The following SPTBN1 variants were observed in gnomAD, a reference collection of about 807,000 sequenced individuals.
The protein encoded by SPTBN1 is spectrin beta chain, non-erythrocytic 1.
In SPTBN1, 32 loss-of-function variants were observed where a neutral mutation model predicts 266.4. The observed-to-expected ratio is 0.12, with a 90% confidence interval of 0.09 to 0.16. The LOEUF (loss-of-function observed/expected upper bound fraction) is 0.16. Among genes scored for constraint, SPTBN1 ranks in the 10% least tolerant of loss-of-function variants. The probability of loss-of-function intolerance (pLI) is 1.00; values close to 1 mark genes in which losing one functional copy is unlikely to be tolerated. For missense variants in SPTBN1, 2,296 were observed against 3,067.1 expected, an observed-to-expected ratio of 0.75 and a Z score of 5.94; for synonymous variants, 1,336 against 1,162.2, an observed-to-expected ratio of 1.15 and a Z score of -3.04.
intron 1 of SPTBN1, among the ~76,000 whole-genome samples, chr2:54,519,175 C>T (rs1364668285): frequency 6.6e-6 from 1 of 152,178 alleles, no homozygotes; most frequent in Non-Finnish European, 1.5e-5. Context: ...CCTCTGCCAC[C>T]TGTCCAGGCA....
Position 54,558,011 on chromosome 2 carries a change from G to A in SPTBN1, c.148+31445G>A. The A allele has an allele frequency of 1.0e-6, 1 of 984,256 alleles. No individual in the cohort carries two copies. Among genetic ancestry groups the A allele is most frequent in the Non-Finnish European group, 1.2e-6 (1 of 829,710 alleles). 61.0% of individuals were successfully genotyped at this position (984,256 alleles called of 1,614,324 possible). ...GAGAGTGAATGAGCCGCGCGGGCCCGGGACCCTTGGGGCTCTTCACTCTCC... is the reference window on the plus strand; with the variant it reads ...GAGAGTGAATGAGCCGCGCGGGCCCAGGACCCTTGGGGCTCTTCACTCTCC... On this transcript the variant is annotated intron_variant, in intron 2 of 35. Coordinates refer to ENST00000356805, the MANE Select transcript of SPTBN1 (RefSeq NM_003128.3). This position sits in a 1 kb window ranked among gnomAD's most constrained non-coding sequence, Gnocchi z 4.6.
intron 2 of SPTBN1, among the ~76,000 whole-genome samples, chr2:54,570,466 T>C (rs543156237): frequency 1.3e-5 from 2 of 152,318 alleles, no homozygotes; most frequent in East Asian, 3.8e-4. Context: ...AAAACATAAA[T>C]ACAAAGTCTG....
Position 54,617,608 on chromosome 2 carries a change from G to T in SPTBN1, c.567G>T (p.Gly189=). ...LLLWCQMKTA[G]YPNVNIHNFT... ...TTCCCTTCTGCTTTGTCCTTGGCAG[G>T]TACCCCAATGTCAACATTCACAATT... Residue 189 remains glycine (G), a splice_region_variant and synonymous_variant, in exon 6 of 36, where the codon GGG becomes GGT. Coordinates refer to ENST00000356805, the MANE Select transcript of SPTBN1 (RefSeq NM_003128.3). 1 of 1,614,062 alleles carries T rather than the reference G, an allele frequency of 6.2e-7. No homozygotes were observed. Among genetic ancestry groups the T allele is most frequent in the Non-Finnish European group, 8.5e-7 (1 of 1,179,964 alleles).
At chr2:54,630,212 CA>C (rs1336914696) in intron 15 of SPTBN1, among the ~76,000 whole-genome samples, 183 bp downstream of exon 15, 1 of 152,224 alleles carries the variant, frequency 6.6e-6, no homozygotes, top group East Asian at 1.9e-4. Context: ...TCTCTCAGGG[CA>C]ACATCATTGG....
At chr2:54,582,802 G>T (rs371676041) in intron 2 of SPTBN1, among the ~76,000 whole-genome samples, 1 of 152,174 alleles carries the variant, frequency 6.6e-6, no homozygotes, top group East Asian at 1.9e-4. Flanking sequence ...CTGTAGAGTG[G>T]TGGGGGCTAT....
chr2:54,656,025 C>A, intron 29 of SPTBN1, 27 bp downstream of exon 29: 7 of 1,571,724 alleles, frequency 4.5e-6, no homozygotes, highest in Non-Finnish European at 6.1e-6. Flanking sequence ...TCTTTCTGCT[C>A]TTTTGGGTAT....
intron 3 of SPTBN1, among the ~76,000 whole-genome samples, chr2:54,600,807 C>T (rs1400566101): frequency 7.0e-6 from 1 of 143,246 alleles, no homozygotes; most frequent in Non-Finnish European, 1.5e-5. Flanking sequence ...TTAGTCTGAA[C>T]ATTTATTTTT....
intron 2 of SPTBN1, chr2:54,535,124 T>C (rs951340970): frequency 1.3e-5 from 2 of 152,238 alleles, no homozygotes; most frequent in Non-Finnish European, 2.9e-5. Context: ...CAATTGCTCT[T>C]CATTTGGGGA....
chr2:54,655,716 C>G (rs76340897), intron 28 of SPTBN1, among the ~76,000 whole-genome samples, 198 bp from the exon 29 acceptor site: 74 of 152,380 alleles, frequency 4.9e-4, no homozygotes, highest in African/African-American at 1.6e-3. Context: ...CCGCGCCTTC[C>G]TCCAGCCCCT....
In SPTBN1 at chr2:54,484,066, G is replaced by A. The variant is rs78487390; in HGVS notation, c.-48+27548G>A. ...AAAAATTGGCTGGGCATGGTGGTAT[G>A]TGCCTGTGCCTTGGGAGGCTGAGGT... On this transcript the variant is annotated intron_variant, in intron 1 of 35. Coordinates refer to ENST00000356805, the MANE Select transcript of SPTBN1 (RefSeq NM_003128.3). Among the ~76,000 whole-genome samples, 3 of 152,148 alleles carry A rather than the reference G, an allele frequency of 2.0e-5. No homozygotes were observed. The East Asian group carries it at 5.8e-4, about 29-fold the overall frequency.
chr2:54,651,403 G>T (rs1680278628), intron 26 of SPTBN1, among the ~76,000 whole-genome samples: 1 of 152,168 alleles, frequency 6.6e-6, no homozygotes, highest in African/African-American at 2.4e-5. Context: ...AAGGATGTGT[G>T]TCCTACTGCA....
At chr2:54,576,350 G>A (rs1007575314) in intron 2 of SPTBN1, among the ~76,000 whole-genome samples, 1 of 152,054 alleles carries the variant, frequency 6.6e-6, no homozygotes, top group African/African-American at 2.4e-5. Context: ...CACCGCGCCC[G>A]GCCTTCAGCT....
chr2:54,548,731 C>T lies in SPTBN1; in HGVS notation c.148+22165C>T, dbSNP rs532055314. On this transcript the variant is annotated intron_variant, in intron 2 of 35. Coordinates refer to ENST00000356805, the MANE Select transcript of SPTBN1 (RefSeq NM_003128.3). ...TGTGCCTCATTTCTCATTTTTCTTA[C>T]TATAAATGAGATGGGTTGGCTTAGA... 2.0e-5 allele frequency among the ~76,000 whole-genome samples: 3 copies of T among 152,272 alleles called. No individual in the cohort carries two copies. In the East Asian group the frequency reaches 5.8e-4, roughly 29 times the overall value.
At chr2:54,627,948 C>A in intron 12 of SPTBN1, 149 bp from the exon 13 acceptor site, 1 of 834,626 alleles carries the variant, frequency 1.2e-6, no homozygotes, top group Non-Finnish European at 1.7e-6. Context: ...GGTTTGTTGG[C>A]CATCATCTTC....
At chr2:54,538,299 A>C (rs977523163) in intron 2 of SPTBN1, among the ~76,000 whole-genome samples, 1 of 152,196 alleles carries the variant, frequency 6.6e-6, no homozygotes, top group African/African-American at 2.4e-5. Context: ...ACTTGGAAAC[A>C]GTCTATCCCA....
At chr2:54,513,725 T>G (rs1371289780) in intron 1 of SPTBN1, among the ~76,000 whole-genome samples, 2 of 152,222 alleles carry the variant, frequency 1.3e-5, no homozygotes, top group African/African-American at 4.8e-5. Context: ...CCAGAAGACA[T>G]CAGTTAATTT....
chr2:54,631,674 G>A (rs964914223), intron 16 of SPTBN1, 63 bp downstream of exon 16: 5 of 1,553,012 alleles, frequency 3.2e-6, no homozygotes, highest in East Asian at 2.3e-5. Flanking sequence ...CTTTTGAAAT[G>A]TTTTGGCTGG....
chr2:54,567,480 A>C (rs1025285276), intron 2 of SPTBN1, among the ~76,000 whole-genome samples: 7 of 148,902 alleles, frequency 4.7e-5, no homozygotes, highest in Admixed American at 4.6e-4. Flanking sequence ...AGCTGGGACT[A>C]CAGGCATGCA....
chr2:54,488,241 G>A (rs922086600), intron 1 of SPTBN1, among the ~76,000 whole-genome samples: 2 of 152,028 alleles, frequency 1.3e-5, no homozygotes, highest in African/African-American at 4.8e-5. Context: ...TGGCCTTACC[G>A]TCATGCCTCA....
Sources: allele counts gnomAD v4.1 joint callset (sites outside exome capture counted in the v4.1 genomes callset), GRCh38; gene constraint gnomAD v4.1.1; non-coding constraint Gnocchi (gnomAD v3.1); transcripts MANE v1.5; gene names NCBI Gene and HGNC (gene_info 2026-07-23, HGNC 2026-07-21).